REDIC1: variants seen among roughly 807,000 people sequenced by gnomAD.
The protein encoded by REDIC1 is regulator of DNA class I crossover intermediates 1, also known as HEI10 Interacting Protein 1.
the REDIC1 span, among the ~76,000 whole-genome samples, chr12:39,794,139 A>C: frequency 2.0e-5 from 3 of 151,330 alleles, no homozygotes; most frequent in Middle Eastern, 3.2e-3. Flanking sequence ...AAAAAAAAAA[A>C]AAAAAAAAAA....
At chr12:39,782,654 C>T in the REDIC1 span, among the ~76,000 whole-genome samples, 253 of 152,208 alleles carry the variant, frequency 1.7e-3, no homozygotes, top group Middle Eastern at 3.4e-3. Context: ...GTGAACTTGA[C>T]ATTGGAACTG....
chr12:39,712,153 C>CATGTATATATACCTGT, the REDIC1 span, among the ~76,000 whole-genome samples: 1 of 95,086 alleles, frequency 1.1e-5, no homozygotes, highest in South Asian at 3.3e-4. Flanking sequence ...TACATCTATA[C>CATGTATATATACCTGT]ATGTATATGT....
chr12:39,836,547 T>C, the REDIC1 span, among the ~76,000 whole-genome samples: 2 of 151,270 alleles, frequency 1.3e-5, no homozygotes, highest in African/African-American at 4.9e-5. Context: ...GGAAGTCAAA[T>C]TGTCCCTGTT....
chr12:39,643,972 T>C, the REDIC1 span: 1 of 1,301,086 alleles, frequency 7.7e-7, no homozygotes, highest in Non-Finnish European at 1.1e-6. Context: ...TAATAATGTT[T>C]AGTCTTCTAA....
chr12:39,854,174 C>T, the REDIC1 span, among the ~76,000 whole-genome samples: 1 of 151,690 alleles, frequency 6.6e-6, no homozygotes, highest in Non-Finnish European at 1.5e-5. Context: ...CTGCAACATA[C>T]CAGTTACATC....
the REDIC1 span, among the ~76,000 whole-genome samples, chr12:39,711,776 T>C: frequency 6.0e-5 from 8 of 133,740 alleles, no homozygotes; most frequent in Non-Finnish European, 1.7e-5. Flanking sequence ...TGTGTGCACA[T>C]GCATGTGTAT....
At chr12:39,789,407 T>C in the REDIC1 span, among the ~76,000 whole-genome samples, 1 of 152,180 alleles carries the variant, frequency 6.6e-6, no homozygotes, top group Non-Finnish European at 1.5e-5. Context: ...TGCATCATGA[T>C]ATACACTTTA....
At chr12:39,722,924 A>G in the REDIC1 span, among the ~76,000 whole-genome samples, 1 of 152,136 alleles carries the variant, frequency 6.6e-6, no homozygotes, top group Non-Finnish European at 1.5e-5. Context: ...GATAGTAACA[A>G]TATGATTTAG....
At chr12:39,746,552 C>A in the REDIC1 span, among the ~76,000 whole-genome samples, 1 of 152,174 alleles carries the variant, frequency 6.6e-6, no homozygotes, top group Non-Finnish European at 1.5e-5. Context: ...CTTAAATGTC[C>A]CTGTCTGACA....
At chr12:39,879,197 G>A in the REDIC1 span, among the ~76,000 whole-genome samples, 1 of 152,260 alleles carries the variant, frequency 6.6e-6, no homozygotes, top group Admixed American at 6.5e-5. Flanking sequence ...CCTGGCAGAA[G>A]CCTGCTGCAG....
the REDIC1 span, among the ~76,000 whole-genome samples, chr12:39,793,012 T>A: frequency 6.6e-6 from 1 of 152,280 alleles, no homozygotes; most frequent in South Asian, 2.1e-4. Flanking sequence ...GTTAACAAAA[T>A]CTTTCACATT....
chr12:39,762,989 A>G, the REDIC1 span, among the ~76,000 whole-genome samples: 1 of 152,192 alleles, frequency 6.6e-6, no homozygotes, highest in Non-Finnish European at 1.5e-5. Flanking sequence ...ATAATCATGT[A>G]AACTTTTATT....
chr12:39,759,772 G>A, the REDIC1 span: 2 of 419,688 alleles, frequency 4.8e-6, no homozygotes, highest in South Asian at 3.3e-5. Flanking sequence ...GACTATTTCA[G>A]GAAGGCATTA....
chr12:39,635,733 G>T, the REDIC1 span, among the ~76,000 whole-genome samples: 1 of 152,008 alleles, frequency 6.6e-6, no homozygotes, highest in Non-Finnish European at 1.5e-5. Context: ...CATGGCACGT[G>T]TATAGCTACG....
the REDIC1 span, among the ~76,000 whole-genome samples, chr12:39,717,875 C>T: frequency 6.6e-6 from 1 of 152,116 alleles, no homozygotes; most frequent in Admixed American, 6.6e-5. Context: ...AAGTACTCAT[C>T]TCCATCAAGT....
chr12:39,682,909 G>T, the REDIC1 span: 1 of 1,612,442 alleles, frequency 6.2e-7, no homozygotes, highest in South Asian at 1.1e-5. Context: ...TAGTATGGGA[G>T]ATACTTGTGT....
At chr12:39,811,070 A>G in the REDIC1 span, among the ~76,000 whole-genome samples, 1 of 152,050 alleles carries the variant, frequency 6.6e-6, no homozygotes, top group Admixed American at 6.6e-5. Context: ...GATTTTTAAT[A>G]CAAATTTGAT....
chr12:39,633,211 G>T, the REDIC1 span, among the ~76,000 whole-genome samples: 2 of 151,998 alleles, frequency 1.3e-5, no homozygotes, highest in African/African-American at 4.8e-5. Context: ...AGCTGTACAA[G>T]ACTATATCCT....
At chr12:39,764,555 C>T in the REDIC1 span, 1 of 1,611,468 alleles carries the variant, frequency 6.2e-7, no homozygotes, top group Non-Finnish European at 8.5e-7. Flanking sequence ...ATTTCCTGTA[C>T]TTCTTGCCCA....
Sources: gnomAD v4.1 joint callset for allele counts (sites outside exome capture counted in the v4.1 genomes callset) on GRCh38, gnomAD v4.1.1 for gene constraint, MANE v1.5 for transcripts, NCBI Gene and HGNC (gene_info 2026-07-23, HGNC 2026-07-21) for gene names.